Variants in NOTCH1 observed in about 807,000 individuals in gnomAD.
NOTCH1 encodes the protein neurogenic locus notch homolog protein 1.
A neutral mutation model predicts 254.8 loss-of-function variants in NOTCH1; 37 were observed. The ratio of observed to expected loss-of-function variants is 0.15; its 90% CI spans 0.11 to 0.19. The LOEUF (loss-of-function observed/expected upper bound fraction) is 0.19. NOTCH1 is among the 10% of genes least tolerant of loss of function. NOTCH1 has a pLI of 1.00. For missense variants in NOTCH1, 2,972 were observed against 3,708.6 expected, an observed-to-expected ratio of 0.80 and a Z score of 5.16; for synonymous variants, 1,731 against 1,618.1, an observed-to-expected ratio of 1.07 and a Z score of -1.68.
chr9:136,513,251 C>G lies in NOTCH1; in HGVS notation c.2354-117G>C. ...CCAGGCCCCTCCTCATCTCCAAGAG[C>G]CAGAGGCCTGGAGCTAAGGCTTTGC... On this transcript the variant is annotated intron_variant, in intron 14 of 33. Coordinates refer to ENST00000651671, the MANE Select transcript of NOTCH1 (RefSeq NM_017617.5). This position sits in a 1 kb window ranked among gnomAD's most constrained non-coding sequence, Gnocchi z 4.7. The G allele has an allele frequency of 6.8e-7, 1 of 1,472,342 alleles. No individual in the cohort carries two copies. Among genetic ancestry groups the G allele is most frequent in the Non-Finnish European group, 9.4e-7 (1 of 1,060,364 alleles). 91.2% of individuals were successfully genotyped at this position (1,472,342 alleles called of 1,614,324 possible).
Position 136,523,835 on chromosome 9 carries a change from C to T in NOTCH1, c.285G>A (p.Gly95=), listed in dbSNP as rs778490489. 6.2e-7 allele frequency: 1 copy of T among 1,611,884 alleles called. No individual in the cohort carries two copies. Among genetic ancestry groups the T allele is most frequent in the Non-Finnish European group, 8.5e-7 (1 of 1,179,656 alleles). The change falls in exon 3 of 34, where the codon GGG becomes GGA. Residue 95 remains glycine (G), a synonymous_variant. Coordinates refer to ENST00000651671, the MANE Select transcript of NOTCH1 (RefSeq NM_017617.5). ...TGTCCAGGGGTGTCAGGCAGAGGGG[C>T]CCAGAGAAGCCCAGGGCACAGCTGC... ...YACSCALGFS[G]PLCLTPLDNA...
Position 136,523,874 on chromosome 9 carries a change from C to G in NOTCH1, c.246G>C (p.Val82=), listed in dbSNP as rs1055942607. Residue 82 remains valine, a synonymous_variant, in exon 3 of 34, where the codon GTG becomes GTC. Coordinates refer to ENST00000651671, the MANE Select transcript of NOTCH1 (RefSeq NM_017617.5). Reference sequence around the variant, plus strand: ...GGGCACAGCTGCAGGCATAGTCTGCCACGCCTCTGCGGTCCACCACGTGGC... The same window carrying G: ...GGGCACAGCTGCAGGCATAGTCTGCGACGCCTCTGCGGTCCACCACGTGGC... ...GTCHVVDRRG[V]ADYACSCALG... is the part of the protein sequence containing the mutation. 8 of 1,610,352 alleles carry G rather than the reference C, an allele frequency of 5.0e-6. No individual in the cohort carries two copies. The Admixed American group carries it at 1.0e-4, about 20-fold the overall frequency.
At position 136,518,308 on chromosome 9, in the gene NOTCH1, C is replaced by G. The variant is rs146815871; in HGVS notation, c.1100-16G>C. On this transcript the variant is annotated splice_polypyrimidine_tract_variant and intron_variant, in intron 6 of 33. Transcript: ENST00000651671. ...CACAGCAGACCTGGGCAGGCAGCGG[C>G]GGTCAGTGGGCACGGCCCCTGGGCC... 2.4e-3 allele frequency: 3,777 copies of G among 1,606,172 alleles called. 100 individuals carry two copies. The African/African-American group carries it at 0.043, about 18-fold the overall frequency.
At position 136,513,354 on chromosome 9, in the gene NOTCH1, G is replaced by A. The variant is rs750984260; in HGVS notation, c.2353+38C>T. 3.1e-6 allele frequency: 5 copies of A among 1,611,884 alleles called. No individual in the cohort carries two copies. In the East Asian group the frequency reaches 1.1e-4, roughly 36 times the overall value. Reference sequence around the variant, plus strand: ...GTGTCTCCAGCTCCCCAGACTCGAGGGCGGCCCTCTGCACTGAGAAACGCG... The same window carrying A: ...GTGTCTCCAGCTCCCCAGACTCGAGAGCGGCCCTCTGCACTGAGAAACGCG... On this transcript the variant is annotated intron_variant, in intron 14 of 33. Coordinates refer to ENST00000651671, the MANE Select transcript of NOTCH1 (RefSeq NM_017617.5). This position sits in a 1 kb window ranked among gnomAD's most constrained non-coding sequence, Gnocchi z 4.7.
intron 2 of NOTCH1, among the ~76,000 whole-genome samples, chr9:136,539,512 C>T (rs959569603): frequency 5.9e-5 from 9 of 152,196 alleles, no homozygotes; most frequent in African/African-American, 2.2e-4. Flanking sequence ...CCTCAGCTTC[C>T]CAAGTAGCTG....
chr9:136,517,120 C>T (rs1051051105), intron 9 of NOTCH1, 152 bp downstream of exon 9: 18 of 586,746 alleles, frequency 3.1e-5, no homozygotes, highest in Non-Finnish European at 4.6e-5. Context: ...GGGGTGCGGA[C>T]GGCCCGAGGG....
chr9:136,538,819 T>TGGAAATTATGGTAGCGA, intron 2 of NOTCH1, among the ~76,000 whole-genome samples: 1 of 152,220 alleles, frequency 6.6e-6, no homozygotes, highest in East Asian at 1.9e-4. Context: ...AGCGGCGTCC[T>TGGAAATTATGGTAGCGA]GAGTGTGGAG....
intron 18 of NOTCH1, 142 bp from the exon 19 acceptor site, chr9:136,509,213 AC>A: frequency 3.7e-6 from 3 of 801,010 alleles, no homozygotes; most frequent in Non-Finnish European, 6.0e-6. Flanking sequence ...AGCCTGGCTG[AC>A]CCAGGGAGGC....
chr9:136,534,802 G>A (rs1393878149), intron 2 of NOTCH1, among the ~76,000 whole-genome samples: 2 of 151,638 alleles, frequency 1.3e-5, no homozygotes, highest in African/African-American at 4.9e-5. Context: ...CCCTGTGCAC[G>A]CCCAGCACAT....
At chr9:136,518,435 T>A in intron 6 of NOTCH1, 143 bp from the exon 7 acceptor site, 1 of 1,192,414 alleles carries the variant, frequency 8.4e-7, no homozygotes, top group Non-Finnish European at 1.2e-6. Flanking sequence ...CTTGGGACGT[T>A]CCGGGGGACT....
chr9:136,504,448 G>A (rs1843045052), intron 26 of NOTCH1, among the ~76,000 whole-genome samples: 1 of 152,236 alleles, frequency 6.6e-6, no homozygotes, highest in Non-Finnish European at 1.5e-5. Flanking sequence ...AGTGGCCCAG[G>A]AAAAGGGTGT....
rs1176627299 is a variant in NOTCH1, at chr9:136,513,045, A to T, written c.2443T>A (p.Cys815Ser). 6.4e-7 allele frequency: 1 copy of T among 1,574,308 alleles called. No homozygotes were observed. Among genetic ancestry groups the T allele is most frequent in the Admixed American group, 1.8e-5 (1 of 57,068 alleles). The change falls in exon 15 of 34, where the codon TGC becomes AGC. Residue 815 changes from cysteine (C) to serine (S), a missense_variant. Cys to Ser is a moderately radical substitution (Grantham distance 112). Transcript: ENST00000651671. This position sits in a 1 kb window ranked among gnomAD's most constrained non-coding sequence, Gnocchi z 4.7. ...TCIDDVAGYKCNCLLPYTGAT... is the reference protein window; with the variant it reads ...TCIDDVAGYKSNCLLPYTGAT... ...CCTGTGTAGGGCAGCAGGCAGTTGC[A>T]CTTGTACCCGGCAACGTCGTCAATA...
chr9:136,514,525 C>T lies in NOTCH1; in HGVS notation c.2192G>A (p.Arg731Gln), dbSNP rs587778558. ...NSNPCVHGAC[R>Q]DSLNGYKCDC... The stretch of plus-strand genomic sequence containing the variant: ...CGCCGCATACCCGTTGAGGCTGTCC[C>T]GGCAGGCCCCGTGGACGCAGGGGTT... Residue 731 changes from arginine to glutamine, a missense_variant, in exon 13 of 34, where the codon CGG becomes CAG. Physicochemically the swap from Arg to Gln is conservative, Grantham distance 43. Coordinates refer to ENST00000651671, the MANE Select transcript of NOTCH1 (RefSeq NM_017617.5). The T allele has an allele frequency of 2.5e-5, 40 of 1,586,464 alleles. No individual in the cohort carries two copies. In the East Asian group the frequency reaches 3.6e-4, roughly 14 times the overall value.
chr9:136,507,917 G>C, intron 21 of NOTCH1, 38 bp downstream of exon 21: 1 of 1,603,410 alleles, frequency 6.2e-7, no homozygotes, highest in Non-Finnish European at 8.5e-7. Context: ...GGCAACACTC[G>C]TGCCGGCCAC....
rs959747623 is a variant in NOTCH1 at position 136,503,015 on chromosome 9, G to C, written c.5167+167C>G. The C allele has an allele frequency of 2.1e-5, 21 of 980,462 alleles. No individual in the cohort carries two copies. In the African/African-American group the frequency reaches 2.9e-4, roughly 13 times the overall value. 60.7% of individuals were successfully genotyped at this position (980,462 alleles called of 1,614,324 possible). ...ACCGGCAGCTGTGACCGCCGCAGGT[G>C]GGGGCGGAGTGCCATTCAGAAAATT... On this transcript the variant is annotated intron_variant, in intron 27 of 33. Coordinates refer to ENST00000651671, the MANE Select transcript of NOTCH1 (RefSeq NM_017617.5).
rs376671649 is a variant in NOTCH1 at position 136,517,420 on chromosome 9, C to T, written c.1442-35G>A. ...GGGGCAACAGTGAGGGGGGCACGCG[C>T]GGCCCCAGTGCCCCACTGGGCACAG... On this transcript the variant is annotated intron_variant, in intron 8 of 33. Coordinates refer to ENST00000651671, the MANE Select transcript of NOTCH1 (RefSeq NM_017617.5). 5.9e-4 allele frequency: 809 copies of T among 1,382,806 alleles called. 2 individuals are homozygous for T. In the African/African-American group the frequency reaches 0.01, roughly 18 times the overall value. The allele number at this position is 1,382,806 out of a possible 1,614,324, so 85.7% of individuals were successfully genotyped here.
chr9:136,534,509 A>G (rs1843611240), intron 2 of NOTCH1, among the ~76,000 whole-genome samples: 1 of 152,090 alleles, frequency 6.6e-6, no homozygotes, highest in African/African-American at 2.4e-5. Flanking sequence ...TCAACTAGCA[A>G]CCAAGGAGCT....
chr9:136,507,583 G>A, intron 21 of NOTCH1, 146 bp from the exon 22 acceptor site: 2 of 1,199,578 alleles, frequency 1.7e-6, no homozygotes, highest in Non-Finnish European at 2.4e-6. Context: ...TGTCAGACCT[G>A]GAGAGAGACC....
intron 26 of NOTCH1, 64 bp downstream of exon 26, chr9:136,504,609 G>C: frequency 7.0e-7 from 1 of 1,426,350 alleles, no homozygotes; most frequent in Non-Finnish European, 9.3e-7. Flanking sequence ...GAGGGGCAGG[G>C]AGGCCGTCGG....
Sources: gnomAD v4.1 joint callset for allele counts (sites outside exome capture counted in the v4.1 genomes callset) on GRCh38, gnomAD v4.1.1 for gene constraint, Gnocchi (gnomAD v3.1) non-coding constraint, MANE v1.5 for transcripts, NCBI Gene and HGNC (gene_info 2026-07-23, HGNC 2026-07-21) for gene names.